Variants in GSG1L observed in about 807,000 individuals in gnomAD.
GSG1L encodes germ cell-specific gene 1-like protein.
Under a neutral mutation model 42.1 loss-of-function variants are expected in GSG1L, and 24 were observed. The ratio of observed to expected loss-of-function variants is 0.57; its 90% CI spans 0.41 to 0.80. The LOEUF (loss-of-function observed/expected upper bound fraction) is 0.80. Ranked by LOEUF, GSG1L falls within the 30% of genes least tolerant of loss-of-function variation. GSG1L has a pLI of 0.00. For synonymous variants in GSG1L, 215 were observed against 203.5 expected (o/e 1.06, Z -0.48); for missense variants, 445 against 472.2 (o/e 0.94, Z 0.53).
At chr16:27,820,100 T>C (rs1051726620) in intron 5 of GSG1L, among the ~76,000 whole-genome samples, 15 of 151,782 alleles carry the variant, frequency 9.9e-5, no homozygotes, top group Non-Finnish European at 1.8e-4. Flanking sequence ...GAGGGAGAGA[T>C]GGAAATAAGA....
At chr16:27,908,240 A>G (rs1397524881) in intron 2 of GSG1L, among the ~76,000 whole-genome samples, 2 of 152,258 alleles carry the variant, frequency 1.3e-5, no homozygotes, top group Admixed American at 6.5e-5. Flanking sequence ...AGGCTGGCCT[A>G]GGTCAGCCAA....
At chr16:27,838,634 G>A (rs1381327510) in intron 4 of GSG1L, among the ~76,000 whole-genome samples, 1 of 152,168 alleles carries the variant, frequency 6.6e-6, no homozygotes, top group Non-Finnish European at 1.5e-5. Flanking sequence ...CCTACTCCAG[G>A]CCCTGCCCAG....
intron 5 of GSG1L, among the ~76,000 whole-genome samples, chr16:27,816,883 G>C (rs1462773870): frequency 6.6e-6 from 1 of 152,200 alleles, no homozygotes; most frequent in Non-Finnish European, 1.5e-5. Context: ...GGCTTGCACT[G>C]TGAGGTCCTC....
At chr16:27,979,744 A>AGAGAG (rs2085301776) in intron 1 of GSG1L, among the ~76,000 whole-genome samples, 1 of 98,894 alleles carries the variant, frequency 1.0e-5, no homozygotes, top group Admixed American at 1.1e-4. Flanking sequence ...AAAGAAAGAA[A>AGAGAG]GAAAGGAAAG....
rs915399431 is a variant in GSG1L, at chr16:28,059,097, T to C, written c.349+3979A>G. ...GCAACACCGAGGTGGTGCTCCCCAC[T>C]CCCTGCCCTACGTCACCAAATCCTT... On this transcript the variant is annotated intron_variant, in intron 1 of 6. Coordinates refer to ENST00000447459, the MANE Select transcript of GSG1L (RefSeq NM_001109763.2). The surrounding 1 kb of genome is among the most constrained non-coding windows in gnomAD (Gnocchi z 4.4). Among the ~76,000 whole-genome samples, 3 of 152,102 alleles carry C rather than the reference T, an allele frequency of 2.0e-5. No homozygotes were observed. The highest frequency in any genetic ancestry group is 2.9e-5 in the Non-Finnish European group (2 of 67,988).
rs1178462001 is a variant in GSG1L at position 28,063,035 on chromosome 16, G to T, written c.349+41C>A. The T allele has an allele frequency of 7.4e-7, 1 of 1,359,708 alleles. No individual in the cohort carries two copies. The highest frequency in any genetic ancestry group is 9.5e-7 in the Non-Finnish European group (1 of 1,052,632). 84.2% of individuals were successfully genotyped at this position (1,359,708 alleles called of 1,614,324 possible). A position where few individuals can be genotyped will look rare whatever the true frequency, so the allele number is the denominator to read the frequency against. On this transcript the variant is annotated intron_variant, in intron 1 of 6. Transcript: ENST00000447459. This position sits in a 1 kb window ranked among gnomAD's most constrained non-coding sequence, Gnocchi z 5.8. ...GGCCTCGATGGCCGCGCCGCCCCGG[G>T]GGAGCCGGAGCCGAGCTGGCCGCCG... is the stretch of plus-strand genomic sequence containing the variant.
chr16:27,858,743 C>T (rs562249552), intron 3 of GSG1L, among the ~76,000 whole-genome samples: 2 of 152,286 alleles, frequency 1.3e-5, no homozygotes, highest in African/African-American at 4.8e-5. Context: ...TGCTTAAGGC[C>T]AGGAATTCAA....
intron 1 of GSG1L, among the ~76,000 whole-genome samples, chr16:27,980,171 G>C (rs911114310): frequency 6.6e-6 from 1 of 152,194 alleles, no homozygotes; most frequent in Non-Finnish European, 1.5e-5. Context: ...GCTGGCAGAA[G>C]GTGTGCAGAG....
chr16:27,812,680 C>T (rs909834416), intron 5 of GSG1L, among the ~76,000 whole-genome samples: 3 of 152,024 alleles, frequency 2.0e-5, no homozygotes, highest in Non-Finnish European at 4.4e-5. Flanking sequence ...CAGGGACCAG[C>T]GGAGGCTTCT....
intron 1 of GSG1L, among the ~76,000 whole-genome samples, chr16:28,016,402 T>C (rs1001924897): frequency 6.6e-6 from 1 of 152,184 alleles, no homozygotes; most frequent in Non-Finnish European, 1.5e-5. Flanking sequence ...CTGAAACGTT[T>C]GATTGTGTGG....
intron 1 of GSG1L, among the ~76,000 whole-genome samples, chr16:28,054,161 G>C (rs543826909): frequency 6.6e-6 from 1 of 152,200 alleles, no homozygotes; most frequent in South Asian, 2.1e-4. Context: ...GGGAGGCCAG[G>C]ACATGGGACA....
intron 2 of GSG1L, among the ~76,000 whole-genome samples, chr16:27,912,993 GT>G (rs575960679): frequency 6.8e-5 from 10 of 147,184 alleles, no homozygotes; most frequent in African/African-American, 1.1e-4. Context: ...GTGTGTGTGT[GT>G]TTTTTTTTAA....
chr16:27,850,952 G>A (rs1263972631), intron 3 of GSG1L, among the ~76,000 whole-genome samples: 2 of 151,900 alleles, frequency 1.3e-5, no homozygotes, highest in Admixed American at 6.6e-5. Flanking sequence ...AATGTTAAAC[G>A]CCGGGAAGGC....
chr16:27,925,034 G>A (rs989750919), intron 2 of GSG1L, among the ~76,000 whole-genome samples: 1 of 152,124 alleles, frequency 6.6e-6, no homozygotes, highest in African/African-American at 2.4e-5. Context: ...CCTGGACTGG[G>A]GATTTAGGAG....
At chr16:28,031,144 A>G (rs1393772637) in intron 1 of GSG1L, among the ~76,000 whole-genome samples, 4 of 123,198 alleles carry the variant, frequency 3.2e-5, no homozygotes, top group African/African-American at 9.4e-5. Flanking sequence ...GATAGGATGG[A>G]ATGGGATGGG....
chr16:27,849,452 G>A (rs2083482390), intron 3 of GSG1L, among the ~76,000 whole-genome samples: 1 of 152,204 alleles, frequency 6.6e-6, no homozygotes, highest in Non-Finnish European at 1.5e-5. Flanking sequence ...AAGCCCGGCT[G>A]ACAGGCTGTT....
At chr16:28,030,454 A>G (rs1041808287) in intron 1 of GSG1L, among the ~76,000 whole-genome samples, 1 of 152,276 alleles carries the variant, frequency 6.6e-6, no homozygotes, top group Admixed American at 6.5e-5. Flanking sequence ...AAGGATGCAG[A>G]CCTCTGAGAA....
chr16:27,976,182 G>A (rs2085248591), intron 1 of GSG1L, among the ~76,000 whole-genome samples: 1 of 152,152 alleles, frequency 6.6e-6, no homozygotes, highest in Non-Finnish European at 1.5e-5. Context: ...GGCTGAGGCA[G>A]GAGAATCGCT....
intron 1 of GSG1L, among the ~76,000 whole-genome samples, chr16:27,984,483 T>C (rs1248197374): frequency 1.3e-5 from 2 of 152,170 alleles, no homozygotes; most frequent in Non-Finnish European, 2.9e-5. Context: ...GGGCTGCCCA[T>C]TGGGTGACGG....
Sources: allele counts gnomAD v4.1 joint callset (sites outside exome capture counted in the v4.1 genomes callset), GRCh38; gene constraint gnomAD v4.1.1; non-coding constraint Gnocchi (gnomAD v3.1); transcripts MANE v1.5; gene names NCBI Gene and HGNC (gene_info 2026-07-23, HGNC 2026-07-21).